The following KIAA0825 variants were observed in gnomAD, a reference collection of about 807,000 sequenced individuals.
KIAA0825 encodes KIAA0825, also known as uncharacterized protein KIAA0825.
KIAA0825 carries 119 observed loss-of-function variants against 147.6 expected under a neutral mutation model. The observed-to-expected ratio is 0.81, with a 90% CI of 0.69 to 0.94. KIAA0825 has a LOEUF of 0.94. Among genes scored for constraint, KIAA0825 ranks in the 40% least tolerant of loss-of-function variants. The pLI is 0.00. For synonymous variants in KIAA0825, 470 were observed against 518.1 expected, an observed-to-expected ratio of 0.91 and a Z score of 1.26; for missense variants, 1,381 against 1,472.7, an observed-to-expected ratio of 0.94 and a Z score of 1.02.
chr5:94,288,042 T>C (rs1777730711), intron 20 of KIAA0825, among the ~76,000 whole-genome samples: 1 of 152,188 alleles, frequency 6.6e-6, no homozygotes, highest in Admixed American at 6.5e-5. Flanking sequence ...CCATGTCTAT[T>C]GCTTCTGCTC....
intron 1 of KIAA0825, among the ~76,000 whole-genome samples, chr5:94,597,514 G>T (rs184197531): frequency 1.1e-3 from 167 of 152,212 alleles, no homozygotes; most frequent in Middle Eastern, 3.4e-3. Flanking sequence ...ATGCATAAAA[G>T]TGTTTGAAAG....
At chr5:94,482,824 A>T (rs1762638095) in intron 6 of KIAA0825, among the ~76,000 whole-genome samples, 1 of 152,022 alleles carries the variant, frequency 6.6e-6, no homozygotes, top group Non-Finnish European at 1.5e-5. Context: ...GTACTGAGAC[A>T]CTTCTTATAC....
intron 14 of KIAA0825, among the ~76,000 whole-genome samples, chr5:94,439,771 A>C (rs1259012766): frequency 6.6e-6 from 1 of 152,226 alleles, no homozygotes; most frequent in African/African-American, 2.4e-5. Context: ...ATAAAAATAT[A>C]GTTTTCTCTC....
chr5:94,195,847 C>T (rs1771083110), intron 20 of KIAA0825, among the ~76,000 whole-genome samples: 1 of 152,102 alleles, frequency 6.6e-6, no homozygotes, highest in Admixed American at 6.5e-5. Flanking sequence ...GGCTGCATTA[C>T]TACCTCACTA....
At chr5:94,510,422 T>C (rs1766320439) in intron 5 of KIAA0825, among the ~76,000 whole-genome samples, 1 of 152,214 alleles carries the variant, frequency 6.6e-6, no homozygotes, top group Non-Finnish European at 1.5e-5. Context: ...TATACTTTTC[T>C]AAATAATAGA....
Position 94,473,387 on chromosome 5 carries a change from C to T in KIAA0825, c.1360G>A (p.Ala454Thr), listed in dbSNP as rs1761454112. The stretch of plus-strand genomic sequence containing the variant: ...ACAAGGTTCATAGCATAGCTCACAG[C>T]TGAAGACCTTTCATTCTGTTCCTGT... The part of the protein sequence containing the change: ...LQQEQNERSS[A>T]VSYAMNLVNV... The change falls in exon 8 of 21, where the codon GCT (alanine) becomes ACT (threonine). Residue 454 changes from alanine to threonine, a missense_variant. By Grantham distance (58) the Ala-to-Thr change is moderately conservative. Transcript: ENST00000682413. The T allele has an allele frequency of 1.9e-6, 3 of 1,552,060 alleles. No individual in the cohort carries two copies. The highest frequency in any genetic ancestry group is 1.7e-6 in the Non-Finnish European group (2 of 1,147,072).
chr5:94,241,605 T>G (rs568817208), intron 20 of KIAA0825, among the ~76,000 whole-genome samples: 2 of 152,366 alleles, frequency 1.3e-5, no homozygotes, highest in East Asian at 3.9e-4. Flanking sequence ...CATCATCTTT[T>G]TTCTTTTTCC....
At chr5:94,182,655 C>T (rs896323169) in intron 20 of KIAA0825, among the ~76,000 whole-genome samples, 8 of 152,150 alleles carry the variant, frequency 5.3e-5, no homozygotes, top group African/African-American at 1.4e-4. Flanking sequence ...TTTTGAAATA[C>T]TTTTATGATA....
rs574293739 is a variant in KIAA0825 at position 94,391,525 on chromosome 5, G to A, written c.3456+10C>T. 6.6e-5 allele frequency: 102 copies of A among 1,549,522 alleles called. No individual in the cohort carries two copies. In the Admixed American group the frequency reaches 8.4e-4, roughly 13 times the overall value. On this transcript the variant is annotated intron_variant, in intron 18 of 20. Coordinates refer to ENST00000682413, the MANE Select transcript of KIAA0825 (RefSeq NM_001145678.3). Reference sequence around the variant, plus strand: ...CACCTAATTGCTCGATAAAAAGGCCGTTTCCCTACCTCATTGAGCTGCATG... The same window carrying A: ...CACCTAATTGCTCGATAAAAAGGCCATTTCCCTACCTCATTGAGCTGCATG...
chr5:94,215,561 T>C (rs1773118162), intron 20 of KIAA0825, among the ~76,000 whole-genome samples: 1 of 152,194 alleles, frequency 6.6e-6, no homozygotes. Context: ...GAAAGAAAGA[T>C]TGAGGAATAG....
chr5:94,596,933 T>G (rs184613154), intron 1 of KIAA0825, among the ~76,000 whole-genome samples: 1 of 152,314 alleles, frequency 6.6e-6, no homozygotes, highest in East Asian at 1.9e-4. Context: ...TTTTGTATCC[T>G]GAAACTTTGC....
At chr5:94,199,527 G>A (rs943077432) in intron 20 of KIAA0825, among the ~76,000 whole-genome samples, 5 of 152,178 alleles carry the variant, frequency 3.3e-5, no homozygotes, top group African/African-American at 7.2e-5. Flanking sequence ...TGAGGCAGCT[G>A]AGGGTAACTG....
At chr5:94,193,674 G>T (rs1478980891) in intron 20 of KIAA0825, among the ~76,000 whole-genome samples, 1 of 152,132 alleles carries the variant, frequency 6.6e-6, no homozygotes, top group African/African-American at 2.4e-5. Context: ...ACAACCCTAT[G>T]AAATATGTAC....
intron 1 of KIAA0825, among the ~76,000 whole-genome samples, chr5:94,599,331 G>GTTTTT (rs57220290): frequency 1.8e-4 from 18 of 98,498 alleles, no homozygotes; most frequent in Non-Finnish European, 2.4e-4. Flanking sequence ...GATTATTTGG[G>GTTTTT]TTTTTTTTTT....
chr5:94,458,570 T>C (rs1759422636), intron 12 of KIAA0825, among the ~76,000 whole-genome samples: 1 of 152,152 alleles, frequency 6.6e-6, no homozygotes, highest in Non-Finnish European at 1.5e-5. Context: ...TGGGGTATTT[T>C]AACCTTATTA....
At chr5:94,506,983 T>G (rs1305571670) in intron 5 of KIAA0825, among the ~76,000 whole-genome samples, 1 of 152,136 alleles carries the variant, frequency 6.6e-6, no homozygotes, top group African/African-American at 2.4e-5. Flanking sequence ...AACTCGTAAT[T>G]GCATTATATT....
At chr5:94,563,976 T>A (rs957589928) in intron 2 of KIAA0825, among the ~76,000 whole-genome samples, 2 of 152,054 alleles carry the variant, frequency 1.3e-5, no homozygotes, top group Admixed American at 1.3e-4. Context: ...TGAGCCATAG[T>A]GCCTGCCCTG....
intron 20 of KIAA0825, among the ~76,000 whole-genome samples, chr5:94,269,801 A>G (rs919348647): frequency 2.6e-5 from 4 of 152,114 alleles, no homozygotes; most frequent in Non-Finnish European, 5.9e-5. Flanking sequence ...AGAAGAAAAG[A>G]AATAGTTTAG....
chr5:94,279,044 T>G (rs1206674751), intron 20 of KIAA0825, among the ~76,000 whole-genome samples: 1 of 152,052 alleles, frequency 6.6e-6, no homozygotes, highest in Admixed American at 6.6e-5. Flanking sequence ...ACATGAAACC[T>G]AAGCCATTTA....
Sources: gnomAD v4.1 joint callset for allele counts (sites outside exome capture counted in the v4.1 genomes callset) on GRCh38, gnomAD v4.1.1 for gene constraint, MANE v1.5 for transcripts, NCBI Gene and HGNC (gene_info 2026-07-23, HGNC 2026-07-21) for gene names.